Variants in DPH6 observed in about 807,000 individuals in gnomAD.
The protein encoded by DPH6 is diphthine--ammonia ligase.
A neutral mutation model predicts 38.2 loss-of-function variants in DPH6; 33 were observed. The ratio of observed to expected loss-of-function variants is 0.86; its 90% CI spans 0.65 to 1.15. The LOEUF is 1.15. Ranked by LOEUF, DPH6 falls within the 50% of genes most tolerant of loss-of-function variation. The probability of loss-of-function intolerance (pLI) is 0.00; values close to 1 mark genes in which losing one functional copy is unlikely to be tolerated. For synonymous variants in DPH6, 108 were observed against 103.0 expected (o/e 1.05, Z -0.30); for missense variants, 325 against 320.0 (o/e 1.02, Z -0.12).
chr15:35,206,644 AAG>A, the DPH6 span, among the ~76,000 whole-genome samples: 1 of 152,228 alleles, frequency 6.6e-6, no homozygotes. Flanking sequence ...AAAGCCTTGA[AAG>A]AGAAATACCC....
chr15:35,232,699 C>T (rs1291568007), intron 3 of DPH6, among the ~76,000 whole-genome samples: 1 of 152,174 alleles, frequency 6.6e-6, no homozygotes, highest in Non-Finnish European at 1.5e-5. Flanking sequence ...TTCTGCAACA[C>T]TTTTTTCTAT....
rs974348325 is a variant in DPH6 at position 35,241,483 on chromosome 15, T to G, written n.201-20901A>C. Among the ~76,000 whole-genome samples the G allele has an allele frequency of 4.9e-5, 7 of 142,910 alleles. 1 individual carries two copies. Among genetic ancestry groups the G allele is most frequent in the African/African-American group, 1.8e-4 (7 of 39,368 alleles). 93.8% of individuals were successfully genotyped at this position (142,910 alleles called of 152,430 possible). On this transcript the variant is annotated intron_variant and non_coding_transcript_variant, in intron 3 of 3. Coordinates refer to the DPH6 transcript ENST00000560386. ...ACTCTGGTGCCAACTTAGACAACAC[T>G]CTTTTATGCACTCTTTTTTAGTTAT...
At chr15:35,262,161 T>C (rs573185500) in intron 3 of DPH6, among the ~76,000 whole-genome samples, 2 of 152,346 alleles carry the variant, frequency 1.3e-5, no homozygotes, top group East Asian at 1.9e-4. Context: ...TATATAGTTA[T>C]ACTTTTTTTC....
Position 35,442,864 on chromosome 15 carries a change from G to A in DPH6, c.505+7821C>T, listed in dbSNP as rs1251874573. Among the ~76,000 whole-genome samples, 4 of 152,128 alleles carry A rather than the reference G, an allele frequency of 2.6e-5. No individual in the cohort carries two copies. The South Asian group carries it at 6.2e-4, about 24-fold the overall frequency. On this transcript the variant is annotated intron_variant, in intron 5 of 8. Transcript: ENST00000256538. The stretch of plus-strand genomic sequence containing the variant: ...CAAAGTCCTCATGGTGCTTAAAGCT[G>A]GGAGCAGTGGGGCAGGGGTTGGAGG...
At chr15:35,432,992 C>T (rs949148908) in intron 5 of DPH6, among the ~76,000 whole-genome samples, 1 of 151,822 alleles carries the variant, frequency 6.6e-6, no homozygotes, top group African/African-American at 2.4e-5. Context: ...ATGTAACAAA[C>T]CTGCACATGT....
downstream of DPH6, among the ~76,000 whole-genome samples, chr15:35,326,686 T>G (rs1194275136): frequency 6.6e-6 from 1 of 152,150 alleles, no homozygotes; most frequent in Non-Finnish European, 1.5e-5. Context: ...CCCTCCCACC[T>G]CAGCTGCCCA....
chr15:35,494,399 C>A (rs1289095673), intron 3 of DPH6, among the ~76,000 whole-genome samples: 1 of 152,060 alleles, frequency 6.6e-6, no homozygotes, highest in South Asian at 2.1e-4. Flanking sequence ...CTAGAGGAGT[C>A]ATTTCTATTA....
chr15:35,242,732 C>A (rs1255922346), intron 3 of DPH6, among the ~76,000 whole-genome samples: 2 of 142,958 alleles, frequency 1.4e-5, no homozygotes, highest in East Asian at 4.4e-4. Flanking sequence ...CAGAATGCTA[C>A]AAGGTACAGC....
intron 3 of DPH6, among the ~76,000 whole-genome samples, chr15:35,480,763 G>C (rs1414913289): frequency 2.0e-5 from 3 of 151,722 alleles, no homozygotes; most frequent in African/African-American, 7.3e-5. Context: ...AAAGAATTAA[G>C]AATTTATCCT....
rs777696440 is a variant in DPH6, at chr15:35,371,706, C to T, written c.*444G>A. On this transcript the variant is annotated 3_prime_UTR_variant, in exon 9 of 9. Coordinates refer to ENST00000256538, the MANE Select transcript of DPH6 (RefSeq NM_080650.4). ...AAATAAAAATGATAAATCGCTTTGGCGACACCCAGTAGAATAAGCTTGACT... is the reference window on the plus strand; with the variant it reads ...AAATAAAAATGATAAATCGCTTTGGTGACACCCAGTAGAATAAGCTTGACT... The T allele has an allele frequency of 4.1e-5, 40 of 985,954 alleles. No individual in the cohort carries two copies. The highest frequency in any genetic ancestry group is 5.2e-4 in the Middle Eastern group (1 of 1,916). The allele number at this position is 985,954 out of a possible 1,614,324, so 61.1% of individuals were successfully genotyped here.
At chr15:35,212,518 A>T (rs1347571660), downstream of DPH6, among the ~76,000 whole-genome samples, 4 of 152,124 alleles carry the variant, frequency 2.6e-5, no homozygotes, top group Non-Finnish European at 4.4e-5. Context: ...AAGATCGTTT[A>T]AAAAAATATG....
chr15:35,486,545 T>C (rs2054400581), intron 3 of DPH6, among the ~76,000 whole-genome samples: 1 of 151,878 alleles, frequency 6.6e-6, no homozygotes. Flanking sequence ...AGAACTCATG[T>C]ACTATCATGA....
chr15:35,153,847 T>C, the DPH6 span, among the ~76,000 whole-genome samples: 3 of 152,138 alleles, frequency 2.0e-5, no homozygotes, highest in African/African-American at 7.2e-5. Flanking sequence ...GGGGATTTTG[T>C]TGTGAAAATC....
At chr15:35,273,588 A>G (rs1285822618) in intron 3 of DPH6, among the ~76,000 whole-genome samples, 1 of 152,188 alleles carries the variant, frequency 6.6e-6, no homozygotes, top group Non-Finnish European at 1.5e-5. Context: ...ATGTGCAAAA[A>G]TCACAAGCAT....
At chr15:35,326,113 T>C (rs1418606186), downstream of DPH6, among the ~76,000 whole-genome samples, 1 of 152,208 alleles carries the variant, frequency 6.6e-6, no homozygotes, top group Non-Finnish European at 1.5e-5. Context: ...ATTGGCACTA[T>C]GAGTTTAGAA....
intron 2 of DPH6, among the ~76,000 whole-genome samples, chr15:35,539,018 A>G (rs1485676775): frequency 6.6e-6 from 1 of 152,058 alleles, no homozygotes; most frequent in Non-Finnish European, 1.5e-5. Flanking sequence ...TTGTTAGAGC[A>G]TTAGAGCAGT....
At chr15:35,370,366 T>C (rs904141917), downstream of DPH6, among the ~76,000 whole-genome samples, 1 of 151,136 alleles carries the variant, frequency 6.6e-6, no homozygotes, top group African/African-American at 2.5e-5. Flanking sequence ...TAAAAACTTG[T>C]GCTTTGTAAA....
chr15:35,366,269 T>C (rs2052658728), downstream of DPH6, among the ~76,000 whole-genome samples: 1 of 151,572 alleles, frequency 6.6e-6, no homozygotes, highest in East Asian at 1.9e-4. Flanking sequence ...TGTGTATACA[T>C]ATAAAATTTT....
intron 3 of DPH6, among the ~76,000 whole-genome samples, chr15:35,345,266 C>T (rs1476754198): frequency 6.6e-6 from 1 of 151,832 alleles, no homozygotes; most frequent in African/African-American, 2.4e-5. Flanking sequence ...ATTCTAAGAA[C>T]ATCTCTGTAG....
Sources: gnomAD v4.1 joint callset for allele counts (sites outside exome capture counted in the v4.1 genomes callset) on GRCh38, gnomAD v4.1.1 for gene constraint, MANE v1.5 for transcripts, NCBI Gene and HGNC (gene_info 2026-07-23, HGNC 2026-07-21) for gene names.